Variants in CCNE2 observed in about 807,000 individuals in gnomAD.
CCNE2 encodes the protein cyclin E2.
Under a neutral mutation model 56.8 loss-of-function variants are expected in CCNE2, and 18 were observed. The ratio of observed to expected loss-of-function variants is 0.32; its 90% CI spans 0.22 to 0.47. The LOEUF (loss-of-function observed/expected upper bound fraction) is 0.47. CCNE2 is among the 20% of genes least tolerant of loss of function. CCNE2 has a pLI of 1.00. For missense variants in CCNE2, 371 were observed against 467.1 expected, an observed-to-expected ratio of 0.79 and a Z score of 1.90; for synonymous variants, 139 against 149.2, an observed-to-expected ratio of 0.93 and a Z score of 0.50.
rs1817446085 is a variant in CCNE2 at position 94,895,197 on chromosome 8, G to GGAGC, written c.-48_-47insGCTC. ...CTCACCGCCAGACCAGCTACCGCTC[G>GGAGC]GCTCAGCTGGCGCCGGCGCCAACCC... On this transcript the variant is annotated 5_prime_UTR_variant, in exon 1 of 12. Transcript: ENST00000308108. The GGAGC allele has an allele frequency of 2.0e-6, 2 of 985,860 alleles. No individual in the cohort carries two copies. The highest frequency in any genetic ancestry group is 2.4e-6 in the Non-Finnish European group (2 of 830,314). 61.1% of individuals were successfully genotyped at this position (985,860 alleles called of 1,614,324 possible). A position where few individuals can be genotyped will look rare whatever the true frequency, so the allele number is the denominator to read the frequency against.
At position 94,887,966 on chromosome 8, in the gene CCNE2, G is replaced by T. The variant is rs1183289664; in HGVS notation, c.561C>A (p.Leu187=). The change falls in exon 7 of 12, where the codon CTC becomes CTA. Residue 187 remains leucine, a synonymous_variant. Transcript: ENST00000308108. ...CAATGAATAATGAGGTAATTCCAATGAGTTGAAGCATATTTTTATTTATAT... is the reference window on the plus strand; with the variant it reads ...CAATGAATAATGAGGTAATTCCAATTAGTTGAAGCATATTTTTATTTATAT... ...QKDINKNMLQ[L]IGITSLFIAS... 6.3e-7 allele frequency: 1 copy of T among 1,597,360 alleles called. No individual in the cohort carries two copies. The highest frequency in any genetic ancestry group is 1.1e-5 in the South Asian group (1 of 87,350).
At chr8:94,884,404 T>C (rs1373444356) in intron 9 of CCNE2, among the ~76,000 whole-genome samples, 2 of 151,438 alleles carry the variant, frequency 1.3e-5, no homozygotes, top group Non-Finnish European at 2.9e-5. Context: ...TGGAGTGCAG[T>C]AGTGCGATCT....
Position 94,892,957 on chromosome 8 carries a change from G to A in CCNE2, c.178C>T (p.Pro60Ser), listed in dbSNP as rs1586557657. ...HQYEIRNCWPPVLSGGISPCI... is the reference protein window; with the variant it reads ...HQYEIRNCWPSVLSGGISPCI... Reference sequence around the variant, plus strand: ...GGACTGATCCCCCCAGATAATACAGGTGGCCAACAATTCTGTCATAAAAAA... The same window carrying A: ...GGACTGATCCCCCCAGATAATACAGATGGCCAACAATTCTGTCATAAAAAA... Residue 60 changes from proline to serine, a missense_variant, in exon 5 of 12, where the codon CCT becomes TCT. Pro to Ser is a moderately conservative substitution (Grantham distance 74). Coordinates refer to ENST00000308108, the MANE Select transcript of CCNE2 (RefSeq NM_057749.3). 6.5e-7 allele frequency: 1 copy of A among 1,531,842 alleles called. No homozygotes were observed. Among genetic ancestry groups the A allele is most frequent in the Non-Finnish European group, 8.7e-7 (1 of 1,152,852 alleles). The allele number at this position is 1,531,842 out of a possible 1,614,324, so 94.9% of individuals were successfully genotyped here.
At chr8:94,886,240 CAAAG>C (rs372003634) in intron 7 of CCNE2, among the ~76,000 whole-genome samples, 59 of 152,102 alleles carry the variant, frequency 3.9e-4, no homozygotes, top group Middle Eastern at 3.4e-3. Context: ...AAAGTCAAAA[CAAAG>C]GAAGATATTT....
Position 94,888,059 on chromosome 8 carries a change from G to A in CCNE2, c.468C>T (p.Tyr156=). ...LDWLLEVCEV[Y]TLHRETFYLA... ...GATAAAATGTTTCCCTATGAAGTGT[G>A]TATACTTCACATACCTAGAGAAGAA... is the stretch of plus-strand genomic sequence containing the variant. The change falls in exon 7 of 12, where the codon TAC becomes TAT. Residue 156 remains tyrosine (Y), a synonymous_variant. Coordinates refer to ENST00000308108, the MANE Select transcript of CCNE2 (RefSeq NM_057749.3). 6.4e-7 allele frequency: 1 copy of A among 1,558,558 alleles called. No homozygotes were observed. The highest frequency in any genetic ancestry group is 8.7e-7 in the Non-Finnish European group (1 of 1,151,890).
At chr8:94,881,834 T>G in intron 11 of CCNE2, 89 bp from the exon 12 acceptor site, 2 of 1,479,976 alleles carry the variant, frequency 1.4e-6, no homozygotes, top group African/African-American at 2.8e-5. Context: ...TTAGGCCTAA[T>G]TTTAATAGTC....
In CCNE2 at chr8:94,881,276, T is replaced by C. The variant is rs1040044800; in HGVS notation, c.*356A>G. 1.4e-5 allele frequency: 5 copies of C among 359,098 alleles called. No individual in the cohort carries two copies. Among genetic ancestry groups the C allele is most frequent in the African/African-American group, 2.1e-5 (1 of 47,938 alleles). 22.2% of individuals were successfully genotyped at this position (359,098 alleles called of 1,614,324 possible). A position where few individuals can be genotyped will look rare whatever the true frequency, so the allele number is the denominator to read the frequency against. On this transcript the variant is annotated 3_prime_UTR_variant, in exon 12 of 12. Transcript: ENST00000308108. ...AGTATACCCTTTAAGGTAGCACTTATCCAGTCCAAAACTCCAGTGACAAAA... is the reference window on the plus strand; with the variant it reads ...AGTATACCCTTTAAGGTAGCACTTACCCAGTCCAAAACTCCAGTGACAAAA...
chr8:94,894,746 T>C (rs1233677487), intron 1 of CCNE2: 2 of 152,764 alleles, frequency 1.3e-5, no homozygotes, highest in East Asian at 1.9e-4. Flanking sequence ...TCCAGTCTCC[T>C]TTCCCTCCTT....
rs530026210 is a variant in CCNE2, at chr8:94,880,572, T to C, written c.*1060A>G. The C allele has an allele frequency of 3.2e-4, 103 of 323,682 alleles. No homozygotes were observed. The highest frequency in any genetic ancestry group is 2.0e-3 in the African/African-American group (94 of 47,368). The allele number at this position is 323,682 out of a possible 1,614,324, so 20.1% of individuals were successfully genotyped here. On this transcript the variant is annotated 3_prime_UTR_variant, in exon 12 of 12. Transcript: ENST00000308108. Reference sequence around the variant, plus strand: ...TAGCTAGCCTATGTACAGCAAGTTTTCATGTCTTTTTTTAATAAATAGATT... The same window carrying C: ...TAGCTAGCCTATGTACAGCAAGTTTCCATGTCTTTTTTTAATAAATAGATT...
intron 2 of CCNE2, 34 bp downstream of exon 2, chr8:94,894,174 A>G (rs1817360239): frequency 1.9e-6 from 3 of 1,613,854 alleles, no homozygotes; most frequent in Non-Finnish European, 2.5e-6. Context: ...GCAGCAACTA[A>G]TTTGAAACAT....
chr8:94,882,906 CAA>C lies in CCNE2; in HGVS notation c.832-16_832-15del, dbSNP rs765230727. ...CAGATCTAAAAGCTAACAGGAAAAA[CAA>C]AAGTACAAGCAATTTAGGAGAAAGA... On this transcript the variant is annotated splice_polypyrimidine_tract_variant and intron_variant, in intron 9 of 11. Coordinates refer to ENST00000308108, the MANE Select transcript of CCNE2 (RefSeq NM_057749.3). 2.0e-6 allele frequency: 3 copies of C among 1,516,564 alleles called. No homozygotes were observed. The highest frequency in any genetic ancestry group is 1.7e-5 in the Admixed American group (1 of 59,778). 93.9% of individuals were successfully genotyped at this position (1,516,564 alleles called of 1,614,324 possible). A position where few individuals can be genotyped will look rare whatever the true frequency, so the allele number is the denominator to read the frequency against.
At chr8:94,893,040 A>T in intron 4 of CCNE2, 71 bp from the exon 5 acceptor site, 1 of 1,204,964 alleles carries the variant, frequency 8.3e-7, no homozygotes, top group Non-Finnish European at 1.2e-6. Flanking sequence ...GATCTTTCAT[A>T]AATGAAAGCT....
rs569666248 is a variant in CCNE2 at position 94,881,895 on chromosome 8, C to T, written c.1102-150G>A. Reference sequence around the variant, plus strand: ...GGTCATATTCTGAAAGTTTCTGTAACGTTATATATTTTTTAAACTCTTTAT... The same window carrying T: ...GGTCATATTCTGAAAGTTTCTGTAATGTTATATATTTTTTAAACTCTTTAT... On this transcript the variant is annotated intron_variant, in intron 11 of 11. Coordinates refer to ENST00000308108, the MANE Select transcript of CCNE2 (RefSeq NM_057749.3). The T allele has an allele frequency of 4.3e-5, 42 of 970,274 alleles. 1 individual carries two copies. Among genetic ancestry groups the T allele is most frequent in the Admixed American group, 6.1e-5 (2 of 32,974 alleles). 60.1% of individuals were successfully genotyped at this position (970,274 alleles called of 1,614,324 possible). A position where few individuals can be genotyped will look rare whatever the true frequency, so the allele number is the denominator to read the frequency against.
At chr8:94,884,257 G>A (rs747330947) in intron 9 of CCNE2, among the ~76,000 whole-genome samples, 38 of 151,802 alleles carry the variant, frequency 2.5e-4, no homozygotes, top group Non-Finnish European at 5.0e-4. Flanking sequence ...TAAGAGGGTA[G>A]ATTTTCTTCA....
intron 9 of CCNE2, 135 bp from the exon 10 acceptor site, chr8:94,883,027 G>T (rs983913791): frequency 7.7e-6 from 4 of 522,762 alleles, no homozygotes; most frequent in Non-Finnish European, 1.4e-5. Flanking sequence ...TGTAATCCCA[G>T]CACTTTGGGA....
chr8:94,894,608 C>G (rs1169182946), intron 1 of CCNE2: 3 of 219,064 alleles, frequency 1.4e-5, no homozygotes, highest in African/African-American at 2.3e-5. Flanking sequence ...TCCCGCCTCC[C>G]TCCTGGACCA....
In CCNE2 at chr8:94,885,503, C is replaced by T. The variant is rs1260114949; in HGVS notation, c.656G>A (p.Ser219Asn). Residue 219 changes from serine (S) to asparagine (N), a missense_variant, in exon 8 of 12, where the codon AGT becomes AAT. Physicochemically the swap from Ser to Asn is conservative, Grantham distance 46. Coordinates refer to ENST00000308108, the MANE Select transcript of CCNE2 (RefSeq NM_057749.3). ...EFAYVTDGAC[S>N]EEDILRMELI... is the part of the protein sequence containing the mutation. ...TTCCATCCTTAAGATATCCTCTTCA[C>T]TGCAAGCACCATCAGTGACGTAAGC... The T allele has an allele frequency of 6.2e-7, 1 of 1,608,928 alleles. No homozygotes were observed. Among genetic ancestry groups the T allele is most frequent in the East Asian group, 2.2e-5 (1 of 44,794 alleles).
rs1816985400 is a variant in CCNE2, at chr8:94,885,106, TAGA to T, written c.789_791del (p.Leu264del). 1.2e-6 allele frequency: 2 copies of T among 1,613,218 alleles called. No individual in the cohort carries two copies. Among genetic ancestry groups the T allele is most frequent in the Admixed American group, 1.7e-5 (1 of 59,994 alleles). ...TGAATGTTTCCTGAGAATACTGAGG[TAGA>T]AGAACTTTAGGAGCATCTTTAAGAG... On this transcript the variant is annotated inframe_deletion, in exon 9 of 12. Coordinates refer to ENST00000308108, the MANE Select transcript of CCNE2 (RefSeq NM_057749.3).
rs1461966495 is a variant in CCNE2, at chr8:94,894,010, C to G, written c.111+13G>C. ...CATGGAATTTCGTTCCTCCCTCTTT[C>G]TCCTTAAATCACCTGGGTAGTTTTC... On this transcript the variant is annotated intron_variant, in intron 3 of 11. Transcript: ENST00000308108. The G allele has an allele frequency of 2.5e-6, 4 of 1,613,786 alleles. No individual in the cohort carries two copies. The African/African-American group carries it at 4.0e-5, about 16-fold the overall frequency.
Sources: gnomAD v4.1 joint callset for allele counts (sites outside exome capture counted in the v4.1 genomes callset) on GRCh38, gnomAD v4.1.1 for gene constraint, MANE v1.5 for transcripts, NCBI Gene and HGNC (gene_info 2026-07-23, HGNC 2026-07-21) for gene names.